STK11IP: variants seen among roughly 807,000 people sequenced by gnomAD.
STK11IP encodes the protein serine/threonine kinase 11 interacting protein, also known as serine/threonine-protein kinase 11-interacting protein.
A neutral mutation model predicts 131.7 loss-of-function variants in STK11IP; 103 were observed. That is an observed-to-expected ratio of 0.78 (90% confidence interval 0.67 to 0.92). The LOEUF is 0.92. Among genes scored for constraint, STK11IP ranks in the 40% least tolerant of loss-of-function variants. The pLI, the probability that STK11IP is intolerant of heterozygous loss-of-function variation, is 0.00. For missense variants in STK11IP, 1,315 were observed against 1,385.7 expected (o/e 0.95, Z 0.81); for synonymous variants, 557 against 575.6 (o/e 0.97, Z 0.46).
chr2:219,616,361 G>T lies in STK11IP; in HGVS notation c.*168G>T. The T allele has an allele frequency of 2.3e-6, 2 of 879,426 alleles. No individual in the cohort carries two copies. Among genetic ancestry groups the T allele is most frequent in the Non-Finnish European group, 1.7e-6 (1 of 596,440 alleles). The allele number at this position is 879,426 out of a possible 1,614,324, so 54.5% of individuals were successfully genotyped here. ...GGGCTTAAGGGAGAGGCGAGAGAAT[G>T]ATCTGGCCTCAGGGGACAGGCCACC... On this transcript the variant is annotated 3_prime_UTR_variant, in exon 25 of 25. Transcript: ENST00000456909.
chr2:219,603,140 C>G (rs1698046145), intron 7 of STK11IP, among the ~76,000 whole-genome samples: 1 of 147,014 alleles, frequency 6.8e-6, no homozygotes, highest in Non-Finnish European at 1.5e-5. Context: ...CTCCCAGGTT[C>G]AAGCAATTCT....
chr2:219,605,558 C>T, intron 7 of STK11IP, 50 bp from the exon 8 acceptor site: 1 of 1,546,700 alleles, frequency 6.5e-7, no homozygotes, highest in South Asian at 1.2e-5. Flanking sequence ...AGGACCCTGG[C>T]TAGAGTTTGG....
Position 219,601,622 on chromosome 2 carries a change from G to GGT in STK11IP, c.268-19_268-18insGT, listed in dbSNP as rs1553542832. ...GATCTGCTGTGCCTCAGTAAATTGA[G>GGT]TTTTTTTTTTTTTTTCAGCTGGTCC... On this transcript the variant is annotated intron_variant, in intron 3 of 24. Transcript: ENST00000456909. 3.2e-5 allele frequency: 47 copies of GGT among 1,491,302 alleles called. No homozygotes were observed. Among genetic ancestry groups the GGT allele is most frequent in the Non-Finnish European group, 4.2e-5 (47 of 1,108,028 alleles). 92.4% of individuals were successfully genotyped at this position (1,491,302 alleles called of 1,614,324 possible). A position where few individuals can be genotyped will look rare whatever the true frequency, so the allele number is the denominator to read the frequency against.
Position 219,613,853 on chromosome 2 carries a change from G to A in STK11IP, c.2639G>A (p.Trp880Ter). 1 of 1,612,148 alleles carries A rather than the reference G, an allele frequency of 6.2e-7. No homozygotes were observed. Among genetic ancestry groups the A allele is most frequent in the East Asian group, 2.2e-5 (1 of 44,860 alleles). ...GLAGQSLRLE[W>*]AAGAGRCVLL... ...GCAGGCCAGAGCCTGCGGCTAGAGT[G>A]GGCAGCTGGGGCGGGCCGCTGTGTG... The change falls in exon 21 of 25, where the codon TGG becomes TAG. Residue 880 changes from tryptophan to a stop codon, truncating the protein, a stop_gained. Transcript: ENST00000456909. LOFTEE classifies it high-confidence loss of function.
chr2:219,612,818 C>T (rs146559405), intron 19 of STK11IP, among the ~76,000 whole-genome samples: 1 of 152,346 alleles, frequency 6.6e-6, no homozygotes, highest in East Asian at 1.9e-4. Context: ...CACTGGGAGC[C>T]ACTGAAGGAT....
At chr2:219,602,642 G>A in intron 6 of STK11IP, 63 bp from the exon 7 acceptor site, 9 of 1,611,484 alleles carry the variant, frequency 5.6e-6, no homozygotes, top group Non-Finnish European at 6.8e-6. Flanking sequence ...AGGAGGGCCA[G>A]CTGGTTGACC....
At position 219,608,455 on chromosome 2, in the gene STK11IP, A is replaced by T. The variant is rs1341113416; in HGVS notation, c.1603+25A>T. ...GGTGAGCCCTTTGTGGGCTGGGGCG[A>T]GCTGAGGCCAGGGGCCCTTGGGATG... is the stretch of plus-strand genomic sequence containing the variant. On this transcript the variant is annotated intron_variant, in intron 14 of 24. Transcript: ENST00000456909. 4 of 1,537,152 alleles carry T rather than the reference A, an allele frequency of 2.6e-6. No individual in the cohort carries two copies. The Admixed American group carries it at 8.0e-5, about 31-fold the overall frequency.
chr2:219,598,242 T>C, intron 2 of STK11IP, 62 bp downstream of exon 2: 1 of 1,250,222 alleles, frequency 8.0e-7, no homozygotes, highest in Non-Finnish European at 1.1e-6. Flanking sequence ...TGGTGCTTTC[T>C]GGAGACACGC....
In STK11IP at chr2:219,601,706, G is replaced by T. The variant is rs759558645; in HGVS notation, c.333G>T (p.Arg111=). 6.2e-7 allele frequency: 1 copy of T among 1,603,042 alleles called. No individual in the cohort carries two copies. The highest frequency in any genetic ancestry group is 8.5e-7 in the Non-Finnish European group (1 of 1,174,218). ...PIKIFPFKSL[R]HLELRGVPLH... Reference sequence around the variant, plus strand: ...AGATTTTCCCCTTCAAATCCCTTCGGCACCTGGAGGTATGGGGACACGGGG... The same window carrying T: ...AGATTTTCCCCTTCAAATCCCTTCGTCACCTGGAGGTATGGGGACACGGGG... The change falls in exon 4 of 25, where the codon CGG becomes CGT. Residue 111 remains arginine, a synonymous_variant. Transcript: ENST00000456909.
At chr2:219,601,150 G>T in intron 2 of STK11IP, 85 bp from the exon 3 acceptor site, 1 of 1,010,566 alleles carries the variant, frequency 9.9e-7, no homozygotes, top group Non-Finnish European at 1.5e-6. Flanking sequence ...ATTGGAGTGG[G>T]TATATTTTGG....
chr2:219,601,966 C>G, intron 4 of STK11IP, 22 bp from the exon 5 acceptor site: 1 of 1,592,462 alleles, frequency 6.3e-7, no homozygotes, highest in South Asian at 1.1e-5. Context: ...CTGCCTTCCT[C>G]CCTCCTCTTT....
At position 219,598,155 on chromosome 2, in the gene STK11IP, G is replaced by C. The variant is rs1697857107; in HGVS notation, c.36G>C (p.Lys12Asn). Residue 12 changes from lysine to asparagine, a missense_variant, in exon 2 of 25, where the codon AAG (lysine) becomes AAC (asparagine). Coordinates refer to ENST00000456909, the MANE Select transcript of STK11IP (RefSeq NM_052902.4). Reference sequence around the variant, plus strand: ...CTCAGAGGGACTCCCTGTTGTGGAAGCTCGCGGGGTTGCTGCGGGAGTCCG... The same window carrying C: ...CTCAGAGGGACTCCCTGTTGTGGAACCTCGCGGGGTTGCTGCGGGAGTCCG... ...TTAQRDSLLW[K>N]LAGLLRESGD... 2 of 1,577,186 alleles carry C rather than the reference G, an allele frequency of 1.3e-6. No homozygotes were observed. The highest frequency in any genetic ancestry group is 3.6e-5 in the Admixed American group (2 of 55,012).
chr2:219,615,421 A>T, intron 24 of STK11IP, 80 bp downstream of exon 24: 2 of 1,531,448 alleles, frequency 1.3e-6, no homozygotes, highest in African/African-American at 1.4e-5. Flanking sequence ...AGGGTGGGAA[A>T]TGGGTCTAGG....
chr2:219,598,330 C>T, intron 2 of STK11IP, 150 bp downstream of exon 2: 1 of 616,420 alleles, frequency 1.6e-6, no homozygotes, highest in South Asian at 2.3e-5. Context: ...CAGGTTTGTT[C>T]GCCCTTACAG....
intron 23 of STK11IP, 79 bp downstream of exon 23, chr2:219,614,625 T>C: frequency 7.1e-7 from 1 of 1,403,656 alleles, no homozygotes; most frequent in Admixed American, 1.8e-5. Flanking sequence ...GCGCAGCACC[T>C]GTACAGTGCC....
At chr2:219,614,606 C>T in intron 23 of STK11IP, 60 bp downstream of exon 23, 1 of 1,536,078 alleles carries the variant, frequency 6.5e-7, no homozygotes, top group Non-Finnish European at 9.0e-7. Context: ...GTCACAGGCA[C>T]TGGCCCACGC....
intron 8 of STK11IP, 65 bp downstream of exon 8, chr2:219,605,799 C>T (rs1459927863): frequency 5.8e-6 from 9 of 1,557,812 alleles, no homozygotes; most frequent in Admixed American, 3.8e-5. Flanking sequence ...TGGGGCTGGC[C>T]TGGGGACCAT....
At chr2:219,614,029 G>A (rs1437956300) in intron 21 of STK11IP, 99 bp downstream of exon 21, 3 of 1,495,418 alleles carry the variant, frequency 2.0e-6, no homozygotes, top group African/African-American at 2.8e-5. Context: ...AGACAGAGAG[G>A]TAACAGGACT....
At chr2:219,605,423 T>C (rs1311288718) in intron 7 of STK11IP, 185 bp from the exon 8 acceptor site, 1 of 601,032 alleles carries the variant, frequency 1.7e-6, no homozygotes, top group Non-Finnish European at 2.9e-6. Flanking sequence ...CTTGAACTGT[T>C]AGGAACAGTG....
Sources: gnomAD v4.1 joint callset for allele counts (sites outside exome capture counted in the v4.1 genomes callset) on GRCh38, gnomAD v4.1.1 for gene constraint, MANE v1.5 for transcripts, NCBI Gene and HGNC (gene_info 2026-07-23, HGNC 2026-07-21) for gene names.